C18orf32: variants seen among roughly 807,000 people sequenced by gnomAD.
The protein encoded by C18orf32 is UPF0729 protein C18orf32.
A neutral mutation model predicts 7.4 loss-of-function variants in C18orf32; 5 were observed. The observed-to-expected ratio is 0.68, with a 90% CI of 0.35 to 1.42. C18orf32 has a LOEUF of 1.42. Ranked by LOEUF, C18orf32 falls within the 40% of genes most tolerant of loss-of-function variation. The probability of loss-of-function intolerance (pLI) is 0.04; values close to 1 mark genes in which losing one functional copy is unlikely to be tolerated. For synonymous variants in C18orf32, 30 were observed against 29.3 expected (o/e 1.02, Z -0.08); for missense variants, 88 against 92.4 (o/e 0.95, Z 0.19).
chr18:49,482,737 CA>C (rs11454919), intron 2 of C18orf32, among the ~76,000 whole-genome samples: 68 of 122,332 alleles, frequency 5.6e-4, no homozygotes, highest in Middle Eastern at 4.4e-3. Flanking sequence ...AAAACAAAAA[CA>C]AAAAAAAAAA....
rs1256093517 is a variant in C18orf32, at chr18:49,478,874, T to G, written c.*3471A>C. On this transcript the variant is annotated 3_prime_UTR_variant, in exon 3 of 3. Transcript: ENST00000318240. Reference sequence around the variant, plus strand: ...AAAATTAACACTTTTCATACGCTTATTCAAACTGATGGCTATTTTTGTCCA... The same window carrying G: ...AAAATTAACACTTTTCATACGCTTAGTCAAACTGATGGCTATTTTTGTCCA... 6.6e-6 allele frequency: 1 copy of G among 151,746 alleles called. No homozygotes were observed. The highest frequency in any genetic ancestry group is 2.4e-5 in the African/African-American group (1 of 40,974). The allele number at this position is 151,746 out of a possible 1,614,324, so 9.4% of individuals were successfully genotyped here.
At chr18:49,483,929 G>T (rs1402969074) in intron 1 of C18orf32, among the ~76,000 whole-genome samples, 158 bp from the exon 2 acceptor site, 2 of 151,858 alleles carry the variant, frequency 1.3e-5, no homozygotes, top group Non-Finnish European at 2.9e-5. Flanking sequence ...CCAGGAGTTT[G>T]AAACCAACTT....
At chr18:49,486,078 C>A (rs60925215) in intron 1 of C18orf32, 1 of 95,584 alleles carries the variant, frequency 1.0e-5, no homozygotes, top group African/African-American at 4.8e-5. Flanking sequence ...CAGACCCTGT[C>A]TCAAGATTAA....
rs1455924955 is a variant in C18orf32 at position 49,477,856 on chromosome 18, ATATATATACACAC to A, written c.*4476_*4488del. 7.5e-6 allele frequency: 1 copy of A among 133,596 alleles called. No homozygotes were observed. The highest frequency in any genetic ancestry group is 1.5e-5 in the Non-Finnish European group (1 of 65,436). 8.3% of individuals were successfully genotyped at this position (133,596 alleles called of 1,614,324 possible). ...ACACATATATATATATACACACACT[ATATATATACACAC>A]TATATATATACACTATATATATATA... On this transcript the variant is annotated 3_prime_UTR_variant, in exon 3 of 3. Transcript: ENST00000318240.
At position 49,480,573 on chromosome 18, in the gene C18orf32, C is replaced by T. The variant is rs1379017119; in HGVS notation, c.*1772G>A. 6.6e-6 allele frequency: 1 copy of T among 151,986 alleles called. No individual in the cohort carries two copies. The allele number at this position is 151,986 out of a possible 1,614,324, so 9.4% of individuals were successfully genotyped here. ...TGAGCCCAGGAGATCGAGATCAGCCCAGGCAACATGACGAAACCCTGTCTC... is the reference window on the plus strand; with the variant it reads ...TGAGCCCAGGAGATCGAGATCAGCCTAGGCAACATGACGAAACCCTGTCTC... On this transcript the variant is annotated 3_prime_UTR_variant, in exon 3 of 3. Transcript: ENST00000318240.
At position 49,481,815 on chromosome 18, in the gene C18orf32, A is replaced by G. The variant is rs1182514687; in HGVS notation, c.*530T>C. On this transcript the variant is annotated 3_prime_UTR_variant, in exon 3 of 3. Transcript: ENST00000318240. The stretch of plus-strand genomic sequence containing the variant: ...TTTTTAATCTTCCTTAGAGCAATAA[A>G]TAGTAATTACTATATTTGTGGACAA... 1 of 152,426 alleles carries G rather than the reference A, an allele frequency of 6.6e-6. No individual in the cohort carries two copies. Among genetic ancestry groups the G allele is most frequent in the African/African-American group, 2.4e-5 (1 of 41,438 alleles). The allele number at this position is 152,426 out of a possible 1,614,324, so 9.4% of individuals were successfully genotyped here.
At chr18:49,483,529 A>T in intron 2 of C18orf32, 55 bp downstream of exon 2, 1 of 1,493,358 alleles carries the variant, frequency 6.7e-7, no homozygotes, top group Non-Finnish European at 8.9e-7. Context: ...CTAGTGTTTC[A>T]CCCAAGTACC....
At position 49,482,419 on chromosome 18, in the gene C18orf32, A is replaced by C; in HGVS notation, c.166-9T>G. The C allele has an allele frequency of 6.3e-7, 1 of 1,598,860 alleles. No homozygotes were observed. Among genetic ancestry groups the C allele is most frequent in the Non-Finnish European group, 8.6e-7 (1 of 1,167,958 alleles). On this transcript the variant is annotated splice_polypyrimidine_tract_variant and intron_variant, in intron 2 of 2. Coordinates refer to ENST00000318240, the MANE Select transcript of C18orf32 (RefSeq NM_001035005.4). ...CCATTCATGTCTGCACCCTAAAATG[A>C]AAAAACATTTTAGAAATTATCATAA...
chr18:49,481,187 T>C lies in C18orf32; in HGVS notation c.*1158A>G, dbSNP rs2083657060. The C allele has an allele frequency of 6.6e-6, 1 of 152,174 alleles. No individual in the cohort carries two copies. The highest frequency in any genetic ancestry group is 1.5e-5 in the Non-Finnish European group (1 of 68,028). 9.4% of individuals were successfully genotyped at this position (152,174 alleles called of 1,614,324 possible). A position where few individuals can be genotyped will look rare whatever the true frequency, so the allele number is the denominator to read the frequency against. ...AAAAGCTGAGACCTGCTGATTTACA[T>C]GATTTATATCAAATAAAGCCCAAGG... is the stretch of plus-strand genomic sequence containing the variant. On this transcript the variant is annotated 3_prime_UTR_variant, in exon 3 of 3. Coordinates refer to ENST00000318240, the MANE Select transcript of C18orf32 (RefSeq NM_001035005.4).
chr18:49,484,389 G>C (rs1408475084), intron 1 of C18orf32: 1 of 151,906 alleles, frequency 6.6e-6, no homozygotes, highest in Non-Finnish European at 1.5e-5. Flanking sequence ...TGAGGAGTTC[G>C]AGACCAGCCT....
In C18orf32 at chr18:49,483,535, G is replaced by C. The variant is rs775719203; in HGVS notation, c.165+49C>G. 4.0e-6 allele frequency: 6 copies of C among 1,518,878 alleles called. No individual in the cohort carries two copies. In the Admixed American group the frequency reaches 7.1e-5, roughly 18 times the overall value. 94.1% of individuals were successfully genotyped at this position (1,518,878 alleles called of 1,614,324 possible). On this transcript the variant is annotated intron_variant, in intron 2 of 2. Transcript: ENST00000318240. ...TTCCAAAATCTAGTGTTTCACCCAAGTACCACCCCCTTTCACTGCTCTTAT... is the reference window on the plus strand; with the variant it reads ...TTCCAAAATCTAGTGTTTCACCCAACTACCACCCCCTTTCACTGCTCTTAT...
At position 49,483,581 on chromosome 18, in the gene C18orf32, T is replaced by G; in HGVS notation, c.165+3A>C. Reference sequence around the variant, plus strand: ...CTTATTCAAGGCATGTGAATGTTCTTACCTTAAAGTTTACTTTGCCTTTGT... The same window carrying G: ...CTTATTCAAGGCATGTGAATGTTCTGACCTTAAAGTTTACTTTGCCTTTGT... On this transcript the variant is annotated splice_donor_region_variant and intron_variant, in intron 2 of 2. Transcript: ENST00000318240. 1 of 1,597,612 alleles carries G rather than the reference T, an allele frequency of 6.3e-7. No homozygotes were observed. The highest frequency in any genetic ancestry group is 2.2e-5 in the East Asian group (1 of 44,534).
chr18:49,484,181 C>CAT lies in C18orf32; in HGVS notation c.-23-411_-23-410insAT, dbSNP rs1291679685. ...ATATATATATATACACACACACACACACACACACACACACACACACGAAAG... is the reference window on the plus strand; with the variant it reads ...ATATATATATATACACACACACACACATACACACACACACACACACACGAAAG... On this transcript the variant is annotated intron_variant, in intron 1 of 2. Transcript: ENST00000318240. Among the ~76,000 whole-genome samples, 214 of 142,396 alleles carry CAT rather than the reference C, an allele frequency of 1.5e-3. 6 individuals carry two copies. Among genetic ancestry groups the CAT allele is most frequent in the Admixed American group, 0.013 (183 of 14,048 alleles). 93.4% of individuals were successfully genotyped at this position (142,396 alleles called of 152,430 possible).
intron 1 of C18orf32, chr18:49,486,410 G>A (rs7237932): frequency 0.99 from 151,032 of 152,266 alleles, 74,911 homozygotes; most frequent in Middle Eastern, 1. Flanking sequence ...AACTCTCGAG[G>A]ACAAATACTA....
chr18:49,483,307 A>G lies in C18orf32; in HGVS notation c.165+277T>C, dbSNP rs534784386. 5.9e-5 allele frequency among the ~76,000 whole-genome samples: 9 copies of G among 152,260 alleles called. No homozygotes were observed. The South Asian group carries it at 1.2e-3, about 21-fold the overall frequency. On this transcript the variant is annotated intron_variant, in intron 2 of 2. Transcript: ENST00000318240. ...GATCCTTCTAATTAAATCTCTTATC[A>G]AAGTCATCAATCAGTGAAACTGGTT...
rs989791857 is a variant in C18orf32 at position 49,478,723 on chromosome 18, G to A, written c.*3622C>T. The A allele has an allele frequency of 2.7e-5, 4 of 150,242 alleles. No homozygotes were observed. Among genetic ancestry groups the A allele is most frequent in the Non-Finnish European group, 5.9e-5 (4 of 68,026 alleles). The allele number at this position is 150,242 out of a possible 1,614,324, so 9.3% of individuals were successfully genotyped here. ...ACACAGACAGATGTTGATATTTTAG[G>A]GCAAAGAAACATTTGTGTGGTATCA... On this transcript the variant is annotated 3_prime_UTR_variant, in exon 3 of 3. Transcript: ENST00000318240.
chr18:49,483,784 G>A lies in C18orf32; in HGVS notation c.-23-13C>T. The A allele has an allele frequency of 6.3e-7, 1 of 1,581,538 alleles. No individual in the cohort carries two copies. Among genetic ancestry groups the A allele is most frequent in the South Asian group, 1.2e-5 (1 of 85,046 alleles). On this transcript the variant is annotated splice_polypyrimidine_tract_variant and intron_variant, in intron 1 of 2. Coordinates refer to ENST00000318240, the MANE Select transcript of C18orf32 (RefSeq NM_001035005.4). ...TTGAGCTCCTCAACTGTTGATATATGTGAAGAAAAAAATTAGTTCATCACA... is the reference window on the plus strand; with the variant it reads ...TTGAGCTCCTCAACTGTTGATATATATGAAGAAAAAAATTAGTTCATCACA...
At chr18:49,483,521 A>G in intron 2 of C18orf32, 63 bp downstream of exon 2, 4 of 1,484,056 alleles carry the variant, frequency 2.7e-6, no homozygotes, top group Non-Finnish European at 3.6e-6. Context: ...TCCAAAATCT[A>G]GTGTTTCACC....
chr18:49,484,571 G>C (rs531940853), intron 1 of C18orf32: 2 of 152,322 alleles, frequency 1.3e-5, no homozygotes, highest in South Asian at 2.1e-4. Context: ...CTAGGTGACA[G>C]AGCAAGACTC....
Sources: gnomAD v4.1 joint callset for allele counts (sites outside exome capture counted in the v4.1 genomes callset) on GRCh38, gnomAD v4.1.1 for gene constraint, MANE v1.5 for transcripts, NCBI Gene and HGNC (gene_info 2026-07-23, HGNC 2026-07-21) for gene names.